Variants in UHRF2 observed in about 807,000 individuals in gnomAD.
The protein encoded by UHRF2 is ubiquitin like with PHD and ring finger domains 2, also known as E3 ubiquitin-protein ligase UHRF2.
A neutral mutation model predicts 96.8 loss-of-function variants in UHRF2; 23 were observed. The observed-to-expected ratio is 0.24, with a 90% CI of 0.17 to 0.34. UHRF2 has a LOEUF of 0.34. UHRF2 is among the 10% of genes least tolerant of loss of function. The pLI is 1.00. For synonymous variants in UHRF2, 385 were observed against 332.6 expected (o/e 1.16, Z -1.72); for missense variants, 685 against 981.5 (o/e 0.70, Z 4.04).
rs975766236 is a variant in UHRF2, at chr9:6,481,748, C to T, written c.1266C>T (p.Ser422=). Residue 422 remains serine, a synonymous_variant, in exon 7 of 16, where the codon AGC becomes AGT. Coordinates refer to ENST00000276893, the MANE Select transcript of UHRF2 (RefSeq NM_152896.3). The part of the protein sequence containing the change: ...KAKMPSASTE[S]RRDWGRGMAC... ...AGATGCCGTCAGCTAGTACTGAAAG[C>T]CGAAGAGACTGGGGCAGGGTAAAGA... 31 of 1,613,422 alleles carry T rather than the reference C, an allele frequency of 1.9e-5. No homozygotes were observed. Among genetic ancestry groups the T allele is most frequent in the Non-Finnish European group, 2.5e-5 (30 of 1,179,780 alleles).
chr9:6,497,982 T>G, intron 11 of UHRF2, 36 bp from the exon 12 acceptor site: 2 of 1,606,396 alleles, frequency 1.2e-6, no homozygotes, highest in Non-Finnish European at 1.7e-6. Flanking sequence ...GTCTAAATTT[T>G]AAATCTCAAA....
chr9:6,423,061 T>C (rs1350052929), intron 2 of UHRF2: 1 of 162,920 alleles, frequency 6.1e-6, no homozygotes, highest in Non-Finnish European at 1.3e-5. Context: ...GCACCTATAC[T>C]GTTTTTCAAA....
chr9:6,468,363 A>G (rs1258171264), intron 4 of UHRF2: 1 of 444,130 alleles, frequency 2.3e-6, no homozygotes, highest in Non-Finnish European at 4.6e-6. Context: ...AGGGTGGGAC[A>G]GCTGGCAGTA....
At chr9:6,438,170 A>G (rs886970100) in intron 3 of UHRF2, among the ~76,000 whole-genome samples, 4 of 152,246 alleles carry the variant, frequency 2.6e-5, no homozygotes, top group Non-Finnish European at 4.4e-5. Flanking sequence ...AGATTTCTGT[A>G]TAACACAGAA....
chr9:6,487,224 A>G (rs534247932), intron 9 of UHRF2, among the ~76,000 whole-genome samples: 43 of 106,568 alleles, frequency 4.0e-4, no homozygotes, highest in African/African-American at 1.5e-3. Context: ...GAGTCTCGCT[A>G]TATCACCTGG....
In UHRF2 at chr9:6,461,241, G is replaced by A. The variant is rs562083489; in HGVS notation, c.863+450G>A. ...TCACCTTACAGAATTTAAACTTAATGAAGAGAATTCAGAATGCAAAATGTC... is the reference window on the plus strand; with the variant it reads ...TCACCTTACAGAATTTAAACTTAATAAAGAGAATTCAGAATGCAAAATGTC... On this transcript the variant is annotated intron_variant, in intron 4 of 15. Coordinates refer to ENST00000276893, the MANE Select transcript of UHRF2 (RefSeq NM_152896.3). Among the ~76,000 whole-genome samples, 58 of 152,114 alleles carry A rather than the reference G, an allele frequency of 3.8e-4. 2 individuals carry two copies. In the East Asian group the frequency reaches 0.011, roughly 28 times the overall value.
At position 6,486,759 on chromosome 9, in the gene UHRF2, AT is replaced by A. The variant is rs1217518140; in HGVS notation, c.1393-58del. ...AGGTACCAAGAATATATATGAAAGC[AT>A]TTTGTAAATGTATCTTAACTGTTCA... On this transcript the variant is annotated intron_variant, in intron 8 of 15. Transcript: ENST00000276893. 2.0e-6 allele frequency: 3 copies of A among 1,522,494 alleles called. No individual in the cohort carries two copies. In the East Asian group the frequency reaches 6.9e-5, roughly 35 times the overall value. The allele number at this position is 1,522,494 out of a possible 1,614,324, so 94.3% of individuals were successfully genotyped here.
At chr9:6,497,974 CTA>C (rs1563808246) in intron 11 of UHRF2, 42 bp from the exon 12 acceptor site, 1 of 1,603,844 alleles carries the variant, frequency 6.2e-7, no homozygotes, top group Admixed American at 1.7e-5. Flanking sequence ...ATGAATAAGT[CTA>C]AATTTTAAAT....
chr9:6,498,091 A>T lies in UHRF2; in HGVS notation c.1841A>T (p.Asp614Val). 6.2e-7 allele frequency: 1 copy of T among 1,614,006 alleles called. No homozygotes were observed. Among genetic ancestry groups the T allele is most frequent in the Non-Finnish European group, 8.5e-7 (1 of 1,179,974 alleles). ...TGGCGCTATCTTTTAAGAAGAGATG[A>T]TGTTGAACCTGCTCCTTGGACCTCT... ...LVWRYLLRRD[D>V]VEPAPWTSEG... The change falls in exon 12 of 16, where the codon GAT (aspartate) becomes GTT (valine). Residue 614 changes from aspartate to valine, a missense_variant. Physicochemically the swap from Asp to Val is radical, Grantham distance 152. This residue lies in a region of UHRF2 where 73 missense variants were observed against 283.7 expected (regional missense o/e 0.26). Coordinates refer to ENST00000276893, the MANE Select transcript of UHRF2 (RefSeq NM_152896.3).
intron 13 of UHRF2, 55 bp from the exon 14 acceptor site, chr9:6,500,497 A>G: frequency 6.8e-7 from 1 of 1,469,282 alleles, no homozygotes; most frequent in Non-Finnish European, 9.2e-7. Context: ...TTTGTTTCAT[A>G]GTTCTGCTTA....
chr9:6,481,616 G>C (rs1421674760), intron 6 of UHRF2, 27 bp from the exon 7 acceptor site: 4 of 1,603,382 alleles, frequency 2.5e-6, no homozygotes, highest in Non-Finnish European at 3.4e-6. Context: ...TTGTGAAAAT[G>C]CCTTCGTTCT....
intron 3 of UHRF2, among the ~76,000 whole-genome samples, chr9:6,450,658 G>A (rs1821803068): frequency 6.6e-6 from 1 of 152,146 alleles, no homozygotes; most frequent in South Asian, 2.1e-4. Flanking sequence ...ATACTTTTAA[G>A]TATTATTATG....
chr9:6,444,749 C>G (rs972879500), intron 3 of UHRF2, among the ~76,000 whole-genome samples: 12 of 152,140 alleles, frequency 7.9e-5, no homozygotes, highest in African/African-American at 2.9e-4. Flanking sequence ...ATTACAGGCA[C>G]CCACTACCAC....
chr9:6,498,008 T>C lies in UHRF2; in HGVS notation c.1768-10T>C. 5.0e-6 allele frequency: 8 copies of C among 1,611,036 alleles called. No individual in the cohort carries two copies. The highest frequency in any genetic ancestry group is 6.8e-6 in the Non-Finnish European group (8 of 1,179,448). ...AAATCTCAAACTGGCACTGAAATAT[T>C]GTGATTTAGGTGGTGAAATACTGGC... On this transcript the variant is annotated splice_polypyrimidine_tract_variant and intron_variant, in intron 11 of 15. Transcript: ENST00000276893.
chr9:6,477,233 CAAAA>C (rs202167670), intron 5 of UHRF2, among the ~76,000 whole-genome samples: 1 of 146,150 alleles, frequency 6.8e-6, no homozygotes, highest in African/African-American at 2.5e-5. Context: ...GACTCCATCT[CAAAA>C]AAAAAGACTG....
rs763572232 is a variant in UHRF2, at chr9:6,506,104, T to A, written c.2334T>A (p.Asn778Lys). ...CPACRHDLGQ[N>K]YIMIPNEILQ... Reference sequence around the variant, plus strand: ...CTTGCCGGCATGATCTTGGCCAGAATTACATCATGATTCCCAATGAGATTC... The same window carrying A: ...CTTGCCGGCATGATCTTGGCCAGAAATACATCATGATTCCCAATGAGATTC... Residue 778 changes from asparagine (N) to lysine (K), a missense_variant, in exon 16 of 16, where the codon AAT becomes AAA. Coordinates refer to ENST00000276893, the MANE Select transcript of UHRF2 (RefSeq NM_152896.3). The A allele has an allele frequency of 9.3e-6, 15 of 1,614,196 alleles. No individual in the cohort carries two copies. Among genetic ancestry groups the A allele is most frequent in the Non-Finnish European group, 1.3e-5 (15 of 1,180,038 alleles).
chr9:6,499,726 G>C (rs576850418), intron 12 of UHRF2, 109 bp from the exon 13 acceptor site: 100 of 564,360 alleles, frequency 1.8e-4, no homozygotes, highest in African/African-American at 1.6e-3. Context: ...TTTTCAGTTT[G>C]GGGAACGTGT....
chr9:6,498,484 A>G (rs1410635150), intron 12 of UHRF2: 2 of 184,472 alleles, frequency 1.1e-5, no homozygotes, highest in African/African-American at 4.7e-5. Flanking sequence ...GGAAAAGGAC[A>G]TTTATCCTAG....
intron 1 of UHRF2, among the ~76,000 whole-genome samples, chr9:6,416,794 T>C (rs1184581815): frequency 6.6e-6 from 1 of 152,132 alleles, no homozygotes; most frequent in African/African-American, 2.4e-5. Flanking sequence ...CCCAAAGTGC[T>C]GGGATTACAG....
Sources: gnomAD v4.1 joint callset for allele counts (sites outside exome capture counted in the v4.1 genomes callset) on GRCh38, gnomAD v4.1.1 for gene constraint, gnomAD v4.1.1 regional missense constraint, MANE v1.5 for transcripts, NCBI Gene and HGNC (gene_info 2026-07-23, HGNC 2026-07-21) for gene names.